FAM184A: variants seen among roughly 807,000 people sequenced by gnomAD.
FAM184A encodes protein FAM184A.
Under a neutral mutation model 143.8 loss-of-function variants are expected in FAM184A, and 99 were observed. The ratio of observed to expected loss-of-function variants is 0.69; its 90% CI spans 0.58 to 0.81. The LOEUF (loss-of-function observed/expected upper bound fraction) is 0.81. FAM184A is among the 40% of genes least tolerant of loss of function. FAM184A has a pLI of 0.00. For synonymous variants in FAM184A, 427 were observed against 446.4 expected (o/e 0.96, Z 0.55); for missense variants, 1,217 against 1,310.5 (o/e 0.93, Z 1.10).
At chr6:119,116,714 CTG>C (rs1044346581) in intron 1 of FAM184A, among the ~76,000 whole-genome samples, 30 of 152,296 alleles carry the variant, frequency 2.0e-4, no homozygotes, top group African/African-American at 7.2e-4. Flanking sequence ...CTGGCATTGA[CTG>C]GATCTCAAAG....
At chr6:119,037,675 CTTAA>C (rs1169339970) in intron 1 of FAM184A, among the ~76,000 whole-genome samples, 1 of 152,124 alleles carries the variant, frequency 6.6e-6, no homozygotes. Flanking sequence ...GGTAGTATAA[CTTAA>C]TTTAGAATAC....
At chr6:119,134,126 A>G (rs907267630) in intron 1 of FAM184A, among the ~76,000 whole-genome samples, 1 of 152,160 alleles carries the variant, frequency 6.6e-6, no homozygotes, top group Non-Finnish European at 1.5e-5. Flanking sequence ...GGGAGAAGGT[A>G]TTTGCCACTC....
At chr6:119,021,000 A>G (rs1785426034) in intron 3 of FAM184A, among the ~76,000 whole-genome samples, 1 of 152,156 alleles carries the variant, frequency 6.6e-6, no homozygotes, top group African/African-American at 2.4e-5. Context: ...GAGTGAAGAA[A>G]AAGGTCTCAT....
At chr6:119,057,044 GA>G (rs1037778256) in intron 1 of FAM184A, among the ~76,000 whole-genome samples, 1 of 152,188 alleles carries the variant, frequency 6.6e-6, no homozygotes, top group Non-Finnish European at 1.5e-5. Context: ...TGAGCAGTAG[GA>G]TATAAATAAT....
chr6:119,147,485 G>T (rs1484942146), intron 1 of FAM184A, among the ~76,000 whole-genome samples: 2 of 152,192 alleles, frequency 1.3e-5, no homozygotes, highest in Non-Finnish European at 2.9e-5. Context: ...TTGAGTCATA[G>T]CAGGGATGAC....
At position 118,975,936 on chromosome 6, in the gene FAM184A, A is replaced by G. The variant is rs1465012647; in HGVS notation, c.2564T>C (p.Ile855Thr). ...ACTTACCTGTCTTCTGCTGATGTCT[A>G]TGCTTCTCTCTAATTCCATTTTAGC... Reference protein sequence around the residue: ...AAAKMELERSIDISRRQSKEH... With the variant: ...AAAKMELERSTDISRRQSKEH... Residue 855 changes from isoleucine to threonine, a missense_variant, in exon 12 of 18, where the codon ATA becomes ACA. By Grantham distance (89) the Ile-to-Thr change is moderately conservative. Transcript: ENST00000338891. 3.7e-6 allele frequency: 6 copies of G among 1,613,062 alleles called. No individual in the cohort carries two copies. The highest frequency in any genetic ancestry group is 2.2e-5 in the South Asian group (2 of 91,016).
intron 1 of FAM184A, among the ~76,000 whole-genome samples, chr6:119,072,272 C>T (rs1417574421): frequency 6.6e-6 from 1 of 151,782 alleles, no homozygotes; most frequent in East Asian, 2.0e-4. Flanking sequence ...TAGTAAAATG[C>T]AACAAATTAA....
Position 118,989,097 on chromosome 6 carries a change from G to A in FAM184A, c.2089-8747C>T, listed in dbSNP as rs571185826. ...CTGCCTCAGCCTCCCAAGTAGCTGGGACTACAGGCGCCTGCCACTGCGCCC... is the reference window on the plus strand; with the variant it reads ...CTGCCTCAGCCTCCCAAGTAGCTGGAACTACAGGCGCCTGCCACTGCGCCC... On this transcript the variant is annotated intron_variant, in intron 9 of 17. Transcript: ENST00000338891. Among the ~76,000 whole-genome samples, 437 of 152,078 alleles carry A rather than the reference G, an allele frequency of 2.9e-3. 14 individuals are homozygous for A. In the South Asian group the frequency reaches 0.073, roughly 25 times the overall value.
At chr6:118,960,233 C>A in intron 17 of FAM184A, 49 bp from the exon 18 acceptor site, 1 of 1,508,246 alleles carries the variant, frequency 6.6e-7, no homozygotes. Context: ...AGTCATTTTG[C>A]AAAATGAAGG....
intron 1 of FAM184A, among the ~76,000 whole-genome samples, chr6:119,122,758 C>T (rs1789253869): frequency 6.6e-6 from 1 of 151,166 alleles, no homozygotes; most frequent in African/African-American, 2.4e-5. Context: ...CCTGGCTCTA[C>T]AAAAAATACA....
At chr6:119,133,183 GTGTT>G (rs1457589128) in intron 1 of FAM184A, among the ~76,000 whole-genome samples, 1 of 152,192 alleles carries the variant, frequency 6.6e-6, no homozygotes. Flanking sequence ...GCTTGACAAA[GTGTT>G]TGGTGCATAA....
At chr6:119,050,651 A>G (rs1582556192) in intron 1 of FAM184A, among the ~76,000 whole-genome samples, 2 of 152,118 alleles carry the variant, frequency 1.3e-5, no homozygotes, top group Middle Eastern at 6.8e-3. Flanking sequence ...CTAAAAATAC[A>G]AAAAATTAGC....
chr6:119,134,653 C>CAA (rs11360363), intron 1 of FAM184A, among the ~76,000 whole-genome samples: 5,659 of 121,930 alleles, frequency 0.046, 136 homozygotes, highest in Middle Eastern at 0.087. Context: ...GACCTTGTCT[C>CAA]AAAAAAAAAA....
chr6:119,065,963 G>A (rs1255027025), intron 1 of FAM184A, among the ~76,000 whole-genome samples: 3 of 152,160 alleles, frequency 2.0e-5, no homozygotes, highest in Non-Finnish European at 2.9e-5. Context: ...TTCTTTTCAC[G>A]AATAAATGAC....
chr6:119,092,935 A>G (rs940179033), intron 1 of FAM184A, among the ~76,000 whole-genome samples: 5 of 152,208 alleles, frequency 3.3e-5, no homozygotes, highest in Non-Finnish European at 7.3e-5. Flanking sequence ...ATGAAGATCT[A>G]TTATCACAAA....
In FAM184A at chr6:119,076,948, C is replaced by T. The variant is rs540599803; in HGVS notation, c.159+1193G>A. ...AAACAAAAGACAAAAAAGAAAACTT[C>T]ACAAGACGTTGGTTGAGTTTTACTG... is the stretch of plus-strand genomic sequence containing the variant. On this transcript the variant is annotated intron_variant, in intron 1 of 17. Coordinates refer to ENST00000338891, the MANE Select transcript of FAM184A (RefSeq NM_024581.6). Among the ~76,000 whole-genome samples, 8 of 152,338 alleles carry T rather than the reference C, an allele frequency of 5.3e-5. No individual in the cohort carries two copies. The East Asian group carries it at 1.5e-3, about 29-fold the overall frequency.
At chr6:119,052,156 A>T (rs1460556674) in intron 1 of FAM184A, among the ~76,000 whole-genome samples, 1 of 152,242 alleles carries the variant, frequency 6.6e-6, no homozygotes, top group Non-Finnish European at 1.5e-5. Context: ...TACCTAACTC[A>T]AGCATAATTC....
At chr6:119,011,830 T>C (rs1439992075) in intron 5 of FAM184A, among the ~76,000 whole-genome samples, 1 of 152,060 alleles carries the variant, frequency 6.6e-6, no homozygotes, top group Non-Finnish European at 1.5e-5. Context: ...TGGAACACAG[T>C]AGAGAATGAG....
At chr6:119,125,809 C>T (rs1425980559) in intron 1 of FAM184A, among the ~76,000 whole-genome samples, 1 of 152,176 alleles carries the variant, frequency 6.6e-6, no homozygotes, top group Non-Finnish European at 1.5e-5. Context: ...TTGTTGGAAG[C>T]AACTAGCAAG....
Sources: gnomAD v4.1 joint callset for allele counts (sites outside exome capture counted in the v4.1 genomes callset) on GRCh38, gnomAD v4.1.1 for gene constraint, MANE v1.5 for transcripts, NCBI Gene and HGNC (gene_info 2026-07-23, HGNC 2026-07-21) for gene names.